Variants in NELL1 observed in about 807,000 individuals in gnomAD.
NELL1 encodes neural EGFL like 1.
In NELL1, 76 loss-of-function variants were observed where a neutral mutation model predicts 107.4. The observed-to-expected ratio is 0.71, with a 90% confidence interval of 0.59 to 0.86. The LOEUF (loss-of-function observed/expected upper bound fraction) is 0.86, where lower values mean the gene tolerates loss of function less well. Ranked by LOEUF, NELL1 falls within the 40% of genes least tolerant of loss-of-function variation. The pLI is 0.00. For synonymous variants in NELL1, 353 were observed against 341.2 expected (o/e 1.03, Z -0.38); for missense variants, 1,024 against 1,005.5 (o/e 1.02, Z -0.25).
In NELL1 at chr11:20,669,714, C is replaced by G. The variant is rs1327924219; in HGVS notation, c.-10C>G. 2 of 1,613,104 alleles carry G rather than the reference C, an allele frequency of 1.2e-6. No individual in the cohort carries two copies. Among genetic ancestry groups the G allele is most frequent in the Non-Finnish European group, 1.7e-6 (2 of 1,179,370 alleles). ...CGGTGCCCCCTGCTAGGCGGGGACCCTCGAGAGCGATGCCGATGGATTTGA... is the reference window on the plus strand; with the variant it reads ...CGGTGCCCCCTGCTAGGCGGGGACCGTCGAGAGCGATGCCGATGGATTTGA... On this transcript the variant is annotated 5_prime_UTR_variant, in exon 1 of 20. Coordinates refer to ENST00000357134, the MANE Select transcript of NELL1 (RefSeq NM_006157.5). This position sits in a 1 kb window ranked among gnomAD's most constrained non-coding sequence, Gnocchi z 4.4.
chr11:21,492,071 A>G (rs1854834878), intron 15 of NELL1, among the ~76,000 whole-genome samples: 1 of 152,192 alleles, frequency 6.6e-6, no homozygotes, highest in Admixed American at 6.6e-5. Flanking sequence ...AATCCCATCA[A>G]AAAGTGGGTG....
intron 13 of NELL1, among the ~76,000 whole-genome samples, chr11:21,145,432 G>T (rs1414908544): frequency 6.6e-6 from 1 of 152,164 alleles, no homozygotes; most frequent in East Asian, 1.9e-4. Context: ...AATGGAATTG[G>T]TATGTGGTAG....
chr11:21,493,412 G>T (rs1210511120), intron 15 of NELL1, among the ~76,000 whole-genome samples: 6 of 152,010 alleles, frequency 3.9e-5, no homozygotes, highest in Admixed American at 3.9e-4. Context: ...CCATAGAAAA[G>T]AATGAAATCA....
intron 14 of NELL1, among the ~76,000 whole-genome samples, chr11:21,338,991 C>A (rs186138469): frequency 2.2e-4 from 33 of 152,274 alleles, no homozygotes; most frequent in Admixed American, 2.0e-3. Flanking sequence ...AATCTCCAGT[C>A]TAAATAGATT....
intron 14 of NELL1, among the ~76,000 whole-genome samples, chr11:21,330,242 A>T (rs1945423): frequency 0.49 from 74,847 of 151,980 alleles, 18,959 homozygotes; most frequent in Admixed American, 0.62. Flanking sequence ...AATTCCATTT[A>T]AAACATGTTA....
intron 2 of NELL1, among the ~76,000 whole-genome samples, chr11:20,690,523 C>A (rs1024266509): frequency 2.0e-5 from 3 of 149,440 alleles, no homozygotes; most frequent in Non-Finnish European, 3.0e-5. Flanking sequence ...TTCCCAGCAC[C>A]ATTTATTAAA....
At chr11:20,793,858 T>G (rs1410812847) in intron 3 of NELL1, among the ~76,000 whole-genome samples, 1 of 152,108 alleles carries the variant, frequency 6.6e-6, no homozygotes, top group Non-Finnish European at 1.5e-5. Context: ...AGTTGCAGAA[T>G]TTTTTTTCCT....
At chr11:21,343,451 C>T (rs553875851) in intron 14 of NELL1, among the ~76,000 whole-genome samples, 5 of 152,168 alleles carry the variant, frequency 3.3e-5, no homozygotes, top group African/African-American at 1.2e-4. Context: ...CTCTTGGCAG[C>T]CTTTGGAAAG....
At chr11:21,435,405 A>T (rs1441254585) in intron 15 of NELL1, among the ~76,000 whole-genome samples, 1 of 128,976 alleles carries the variant, frequency 7.8e-6, no homozygotes, top group African/African-American at 3.0e-5. Context: ...TTTGTTTTTT[A>T]CCATGAAGAG....
At chr11:21,327,470 C>T (rs541884647) in intron 14 of NELL1, among the ~76,000 whole-genome samples, 1 of 152,202 alleles carries the variant, frequency 6.6e-6, no homozygotes, top group African/African-American at 2.4e-5. Flanking sequence ...TTTCCTGAGG[C>T]CTCCCCAGTC....
At chr11:20,674,013 G>GGCAGAGAA (rs1263361710) in intron 1 of NELL1, among the ~76,000 whole-genome samples, 6 of 152,132 alleles carry the variant, frequency 3.9e-5, no homozygotes, top group Admixed American at 3.9e-4. Flanking sequence ...ACCAATTAAA[G>GGCAGAGAA]GCAGAGAAGA....
chr11:21,205,398 C>CT (rs1857367602), intron 13 of NELL1, among the ~76,000 whole-genome samples: 1 of 152,246 alleles, frequency 6.6e-6, no homozygotes, highest in African/African-American at 2.4e-5. Flanking sequence ...TTCCCTGCGG[C>CT]TTTGTTTACA....
At chr11:21,488,480 A>G (rs1208487575) in intron 15 of NELL1, among the ~76,000 whole-genome samples, 4 of 151,968 alleles carry the variant, frequency 2.6e-5, no homozygotes, top group Non-Finnish European at 4.4e-5. Flanking sequence ...GATATCTGCA[A>G]TTTCCTCAGG....
At chr11:21,105,243 A>AAAGAGAAAT (rs1329596858) in intron 12 of NELL1, among the ~76,000 whole-genome samples, 1 of 152,136 alleles carries the variant, frequency 6.6e-6, no homozygotes, top group Non-Finnish European at 1.5e-5. Context: ...AAGAAAGAGA[A>AAAGAGAAAT]AAGAGAAATA....
chr11:21,010,257 A>G (rs887310774), intron 12 of NELL1, among the ~76,000 whole-genome samples: 1 of 151,876 alleles, frequency 6.6e-6, no homozygotes, highest in East Asian at 1.9e-4. Context: ...GTTTACTTCC[A>G]TTCTTTTCTT....
chr11:20,716,779 A>G (rs890774232), intron 2 of NELL1, among the ~76,000 whole-genome samples: 3 of 152,186 alleles, frequency 2.0e-5, no homozygotes, highest in Non-Finnish European at 4.4e-5. Context: ...TAGAGTGTCT[A>G]TTTCATAGTA....
intron 2 of NELL1, among the ~76,000 whole-genome samples, chr11:20,694,604 A>G (rs1311892771): frequency 2.0e-5 from 3 of 151,984 alleles, no homozygotes; most frequent in African/African-American, 4.8e-5. Flanking sequence ...TGGATTCTCT[A>G]TTCTGTTCTA....
At chr11:21,173,809 G>A (rs568464871) in intron 13 of NELL1, among the ~76,000 whole-genome samples, 1 of 151,638 alleles carries the variant, frequency 6.6e-6, no homozygotes, top group South Asian at 2.1e-4. Context: ...GTTGCTACAG[G>A]AATTCAGTGG....
intron 15 of NELL1, among the ~76,000 whole-genome samples, chr11:21,493,211 T>C (rs1199937944): frequency 1.3e-5 from 2 of 152,066 alleles, no homozygotes; most frequent in African/African-American, 4.8e-5. Flanking sequence ...AACCACCATA[T>C]GATACAGCCA....
Sources: allele counts gnomAD v4.1 joint callset (sites outside exome capture counted in the v4.1 genomes callset), GRCh38; gene constraint gnomAD v4.1.1; non-coding constraint Gnocchi (gnomAD v3.1); transcripts MANE v1.5; gene names NCBI Gene and HGNC (gene_info 2026-07-23, HGNC 2026-07-21).